TNRC6C: variants seen among roughly 807,000 people sequenced by gnomAD.
TNRC6C encodes trinucleotide repeat-containing gene 6C protein.
In TNRC6C, 20 loss-of-function variants were observed where a neutral mutation model predicts 153.7. The ratio of observed to expected loss-of-function variants is 0.13; its 90% CI spans 0.09 to 0.19. The LOEUF (loss-of-function observed/expected upper bound fraction) is 0.19, where lower values mean the gene tolerates loss of function less well. Ranked by LOEUF, TNRC6C falls within the 10% of genes least tolerant of loss-of-function variation. The pLI is 1.00. For synonymous variants in TNRC6C, 811 were observed against 841.4 expected (o/e 0.96, Z 0.63); for missense variants, 1,987 against 2,172.0 (o/e 0.91, Z 1.69).
At position 78,075,562 on chromosome 17, in the gene TNRC6C, G is replaced by T. The variant is rs2073069829; in HGVS notation, c.3060+284G>T. The stretch of plus-strand genomic sequence containing the variant: ...GCTTCAATTTGTCCAATGGGCAAGG[G>T]TCATCAAATTTCCATTTTACTATCT... On this transcript the variant is annotated intron_variant, in intron 8 of 19. Transcript: ENST00000301624. The surrounding 1 kb of genome is among the most constrained non-coding windows in gnomAD (Gnocchi z 4.2). Among the ~76,000 whole-genome samples, 1 of 152,196 alleles carries T rather than the reference G, an allele frequency of 6.6e-6. No homozygotes were observed. Among genetic ancestry groups the T allele is most frequent in the Non-Finnish European group, 1.5e-5 (1 of 68,036 alleles).
intron 7 of TNRC6C, 139 bp from the exon 10 acceptor site, chr17:78,074,997 G>GCT (rs2073059697): frequency 8.8e-7 from 1 of 1,133,276 alleles, no homozygotes; most frequent in Admixed American, 2.7e-5. Flanking sequence ...CAAAGCAAGG[G>GCT]CTCTCTCTGC....
At chr17:77,959,008 TGAG>T (rs1050001754), upstream of TNRC6C, among the ~76,000 whole-genome samples, 5 of 130,756 alleles carry the variant, frequency 3.8e-5, no homozygotes, top group Non-Finnish European at 6.5e-5. Context: ...CCGCCGGGCG[TGAG>T]GAGGAGGACG....
chr17:78,006,807 C>A (rs970056850), intron 1 of TNRC6C, among the ~76,000 whole-genome samples: 1 of 146,758 alleles, frequency 6.8e-6, no homozygotes, highest in African/African-American at 2.5e-5. Context: ...TGAGAATTTT[C>A]TTTTATTTAT....
rs199549071 is a variant in TNRC6C, at chr17:78,076,215, CAAAAAAAAAAAGAAAAAGA to C, written c.3060+950_3061-939del. On this transcript the variant is annotated intron_variant, in intron 8 of 19. Transcript: ENST00000301624. Reference sequence around the variant, plus strand: ...TGGACGAGAGAGCGATACTCTGTCTCAAAAAAAAAAAGAAAAAGAAAAAAAAAAAAGGAAAGGCTCACAA... The same window carrying C: ...TGGACGAGAGAGCGATACTCTGTCTCAAAAAAAAAAAGGAAAGGCTCACAA... Among the ~76,000 whole-genome samples, 548 of 103,664 alleles carry C rather than the reference CAAAAAAAAAAAGAAAAAGA, an allele frequency of 5.3e-3. 26 individuals carry two copies. In the East Asian group the frequency reaches 0.11, roughly 22 times the overall value. 68.0% of individuals were successfully genotyped at this position (103,664 alleles called of 152,430 possible). A position where few individuals can be genotyped will look rare whatever the true frequency, so the allele number is the denominator to read the frequency against.
In TNRC6C at chr17:78,075,138, G is replaced by A. The variant is rs761934338; in HGVS notation, c.2920G>A (p.Ala974Thr). ...TGCTTCTGTTTGTTGTGCTCCAGGC[G>A]CTCTGCTGGAAAAGAAGGTGGACGT... The change falls in exon 8 of 20, where the codon GCT becomes ACT. Residue 974 changes from alanine to threonine, a missense_variant and splice_region_variant. Around this residue, in one of 4 missense-constraint regions of TNRC6C, gnomAD observed 765 missense variants for 908.6 expected, o/e 0.84. Transcript: ENST00000301624. This position sits in a 1 kb window ranked among gnomAD's most constrained non-coding sequence, Gnocchi z 4.2. 9.9e-6 allele frequency: 16 copies of A among 1,613,228 alleles called. No homozygotes were observed. The African/African-American group carries it at 1.5e-4, about 15-fold the overall frequency.
chr17:78,051,420 G>C, exon 3 of TNRC6C: 1 of 1,536,746 alleles, frequency 6.5e-7, no homozygotes, highest in Non-Finnish European at 8.8e-7. Flanking sequence ...CCGGTACTCA[G>C]CTGAATCGAT....
intron 2 of TNRC6C, among the ~76,000 whole-genome samples, chr17:78,045,527 C>T (rs976540971): frequency 1.3e-5 from 2 of 152,098 alleles, no homozygotes; most frequent in Non-Finnish European, 2.9e-5. Flanking sequence ...AGAAGATGGA[C>T]GTGCTTGTTC....
chr17:78,031,802 T>C, exon 2 of TNRC6C: 1 of 1,232,284 alleles, frequency 8.1e-7, no homozygotes, highest in Non-Finnish European at 1.0e-6. Flanking sequence ...CTCCCCTACC[T>C]GGAGCCGGAA....
At chr17:78,011,039 T>C (rs555719526) in intron 1 of TNRC6C, among the ~76,000 whole-genome samples, 61 of 152,370 alleles carry the variant, frequency 4.0e-4, no homozygotes, top group South Asian at 1.7e-3. Flanking sequence ...CTGTTTCATA[T>C]AACTTTTCAC....
chr17:77,995,155 G>A (rs570943930), intron 1 of TNRC6C, among the ~76,000 whole-genome samples: 1 of 152,310 alleles, frequency 6.6e-6, no homozygotes, highest in East Asian at 1.9e-4. Context: ...GGAGACCCCT[G>A]CCCCCAGCCT....
intron 2 of TNRC6C, among the ~76,000 whole-genome samples, chr17:78,041,444 G>A (rs1398712533): frequency 6.6e-6 from 1 of 152,138 alleles, no homozygotes; most frequent in Admixed American, 6.6e-5. Context: ...TTATTTAATA[G>A]ACTCTTAACC....
chr17:77,962,750 C>T (rs531592149), intron 1 of TNRC6C, among the ~76,000 whole-genome samples: 2 of 152,316 alleles, frequency 1.3e-5, no homozygotes, highest in South Asian at 4.1e-4. Flanking sequence ...TTTACCTTTT[C>T]TCCAGCTCTA....
At chr17:78,093,558 A>AT in intron 15 of TNRC6C, 62 bp from the exon 18 acceptor site, 1 of 1,585,278 alleles carries the variant, frequency 6.3e-7, no homozygotes, top group Non-Finnish European at 8.6e-7. Context: ...ATCTTTTAAA[A>AT]TTTCGTGAAT....
rs748449469 is a variant in TNRC6C, at chr17:78,104,522, G to T, written c.4750G>T (p.Ala1584Ser). The change falls in exon 20 of 20, where the codon GCT (alanine) becomes TCT (serine). Residue 1584 changes from alanine to serine, a missense_variant. Ala to Ser is a moderately conservative substitution (Grantham distance 99, BLOSUM62 1). Coordinates refer to ENST00000301624, the Ensembl canonical transcript of TNRC6C. This position sits in a 1 kb window ranked among gnomAD's most constrained non-coding sequence, Gnocchi z 6.2. ...AAACACTACCATCCTGGCCGAGTTC[G>T]CTGGTGAAGAAGAAGTGAATCGCTT... 1 of 1,529,490 alleles carries T rather than the reference G, an allele frequency of 6.5e-7. No individual in the cohort carries two copies. Among genetic ancestry groups the T allele is most frequent in the Non-Finnish European group, 8.8e-7 (1 of 1,134,076 alleles). 94.7% of individuals were successfully genotyped at this position (1,529,490 alleles called of 1,614,324 possible). A position where few individuals can be genotyped will look rare whatever the true frequency, so the allele number is the denominator to read the frequency against.
Position 78,103,405 on chromosome 17 carries a change from C to A in TNRC6C, c.4573-9C>A. The A allele has an allele frequency of 6.2e-7, 1 of 1,613,626 alleles. No individual in the cohort carries two copies. The highest frequency in any genetic ancestry group is 1.3e-5 in the African/African-American group (1 of 75,006). Reference sequence around the variant, plus strand: ...AAGCTCATTCATGTCCCTGTGCTTCCTCTATCAGATTGATGGTTCTACACT... The same window carrying A: ...AAGCTCATTCATGTCCCTGTGCTTCATCTATCAGATTGATGGTTCTACACT... On this transcript the variant is annotated splice_polypyrimidine_tract_variant and intron_variant, in intron 18 of 19. Transcript: ENST00000301624.
intron 16 of TNRC6C, 97 bp from the exon 19 acceptor site, chr17:78,097,648 G>A: frequency 1.3e-6 from 1 of 790,216 alleles, no homozygotes; most frequent in Non-Finnish European, 1.9e-6. Context: ...GGCAGCCTAG[G>A]GAGAGGTTGA....
chr17:78,097,429 T>A (rs1026351415), intron 16 of TNRC6C, among the ~76,000 whole-genome samples: 2 of 152,184 alleles, frequency 1.3e-5, no homozygotes. Flanking sequence ...AGGAAATCAG[T>A]GTGGTCCTTT....
intron 17 of TNRC6C, among the ~76,000 whole-genome samples, chr17:78,100,955 T>C (rs901856758): frequency 2.6e-5 from 4 of 151,866 alleles, no homozygotes; most frequent in African/African-American, 7.3e-5. Context: ...TTTGTATTTT[T>C]AGTAGAGATG....
chr17:77,976,831 AG>A (rs2071004570), intron 1 of TNRC6C, among the ~76,000 whole-genome samples: 1 of 144,970 alleles, frequency 6.9e-6, no homozygotes, highest in Non-Finnish European at 1.5e-5. Flanking sequence ...GGGGAGGCTG[AG>A]GCAGGAGAAT....
Sources: allele counts gnomAD v4.1 joint callset (sites outside exome capture counted in the v4.1 genomes callset), GRCh38; gene constraint gnomAD v4.1.1; regional missense constraint gnomAD v4.1.1; non-coding constraint Gnocchi (gnomAD v3.1); transcripts MANE v1.5; gene names NCBI Gene and HGNC (gene_info 2026-07-23, HGNC 2026-07-21).